DYNLT2B: variants seen among roughly 807,000 people sequenced by gnomAD.
DYNLT2B encodes dynein light chain Tctex-type 2B.
A neutral mutation model predicts 19.5 loss-of-function variants in DYNLT2B; 14 were observed. That is an observed-to-expected ratio of 0.72 (90% confidence interval 0.47 to 1.12). The LOEUF is 1.12. DYNLT2B is among the 50% of genes most tolerant of loss of function. The pLI, the probability that DYNLT2B is intolerant of heterozygous loss-of-function variation, is 0.00. For synonymous variants in DYNLT2B, 70 were observed against 59.7 expected (o/e 1.17, Z -0.79); for missense variants, 133 against 174.7 (o/e 0.76, Z 1.35).
chr3:196,306,313 A>G (rs1577390688), intron 3 of DYNLT2B, among the ~76,000 whole-genome samples: 1 of 150,432 alleles, frequency 6.6e-6, no homozygotes, highest in East Asian at 2.0e-4. Flanking sequence ...CTGCAGTCCC[A>G]GCTACTCAGG....
intron 3 of DYNLT2B, among the ~76,000 whole-genome samples, chr3:196,299,451 G>A (rs1340279045): frequency 1.3e-5 from 2 of 152,018 alleles, no homozygotes; most frequent in Non-Finnish European, 2.9e-5. Context: ...TCCAACTCCT[G>A]AGCTCAGGCA....
At chr3:196,312,342 GAAC>G (rs1210085845) in intron 2 of DYNLT2B, among the ~76,000 whole-genome samples, 1 of 152,138 alleles carries the variant, frequency 6.6e-6, no homozygotes, top group East Asian at 1.9e-4. Context: ...CTTAAGCAGA[GAAC>G]ATCAAGCTGG....
At chr3:196,314,260 T>C (rs1366672462) in intron 2 of DYNLT2B, among the ~76,000 whole-genome samples, 2 of 151,440 alleles carry the variant, frequency 1.3e-5, no homozygotes, top group African/African-American at 2.4e-5. Flanking sequence ...AATCCCAGCA[T>C]GTTGGGAGGC....
At chr3:196,294,123 G>A (rs994188310) in intron 4 of DYNLT2B, among the ~76,000 whole-genome samples, 2 of 151,980 alleles carry the variant, frequency 1.3e-5, no homozygotes, top group Admixed American at 1.3e-4. Flanking sequence ...AGGCCGAGGC[G>A]GGCCGATCAC....
At chr3:196,309,219 C>G (rs1726568313) in intron 2 of DYNLT2B, among the ~76,000 whole-genome samples, 1 of 152,116 alleles carries the variant, frequency 6.6e-6, no homozygotes, top group African/African-American at 2.4e-5. Context: ...AGTTCAAGAC[C>G]AGCCTAGGCA....
At chr3:196,295,322 G>A (rs1726195701) in intron 4 of DYNLT2B, among the ~76,000 whole-genome samples, 1 of 152,026 alleles carries the variant, frequency 6.6e-6, no homozygotes, top group African/African-American at 2.4e-5. Flanking sequence ...CACCATGCTC[G>A]GCTAATTTTT....
intron 1 of DYNLT2B, among the ~76,000 whole-genome samples, chr3:196,317,180 T>C (rs1726864282): frequency 1.2e-5 from 1 of 84,404 alleles, no homozygotes; most frequent in African/African-American, 4.8e-5. Flanking sequence ...TGTGTGTGTG[T>C]GTTGTGTGTG....
chr3:196,303,296 A>G, intron 3 of DYNLT2B, among the ~76,000 whole-genome samples: 1 of 151,978 alleles, frequency 6.6e-6, no homozygotes, highest in East Asian at 1.9e-4. Flanking sequence ...AGTAATAATA[A>G]AACTCCGGTC....
At chr3:196,305,343 C>G (rs1726460070) in intron 3 of DYNLT2B, among the ~76,000 whole-genome samples, 1 of 152,084 alleles carries the variant, frequency 6.6e-6, no homozygotes, top group Non-Finnish European at 1.5e-5. Flanking sequence ...AAACCTATGG[C>G]TAATTAAGAC....
intron 2 of DYNLT2B, among the ~76,000 whole-genome samples, chr3:196,312,245 T>C (rs978771929): frequency 1.3e-5 from 2 of 151,174 alleles, no homozygotes; most frequent in African/African-American, 4.9e-5. Context: ...CTCAAACTCC[T>C]GACCTCAGGT....
chr3:196,297,427 A>G (rs1429232226), intron 3 of DYNLT2B, among the ~76,000 whole-genome samples: 2 of 152,154 alleles, frequency 1.3e-5, no homozygotes, highest in Non-Finnish European at 2.9e-5. Flanking sequence ...CGGGAGGCTG[A>G]GGCAGGAGAA....
chr3:196,316,199 T>C lies in DYNLT2B; in HGVS notation c.146A>G (p.His49Arg), dbSNP rs1276571376. Residue 49 changes from histidine to arginine, a missense_variant, in exon 2 of 5, where the codon CAT becomes CGT. By Grantham distance (29) the His-to-Arg change is conservative. Coordinates refer to ENST00000325318, the MANE Select transcript of DYNLT2B (RefSeq NM_152773.5). ...TGCCAGTTCCTCCTTGAGCACAGCA[T>C]GGATACAGTCTTTAACCACAGAGGG... Reference protein sequence around the residue: ...FRPSVVKDCIHAVLKEELANA... With the variant: ...FRPSVVKDCIRAVLKEELANA... 3 of 1,613,640 alleles carry C rather than the reference T, an allele frequency of 1.9e-6. No homozygotes were observed. The highest frequency in any genetic ancestry group is 2.5e-6 in the Non-Finnish European group (3 of 1,179,744).
At position 196,309,900 on chromosome 3, in the gene DYNLT2B, A is replaced by G. The variant is rs551624994; in HGVS notation, c.248-2888T>C. Among the ~76,000 whole-genome samples, 12 of 151,174 alleles carry G rather than the reference A, an allele frequency of 7.9e-5. No homozygotes were observed. In the East Asian group the frequency reaches 2.0e-3, roughly 26 times the overall value. ...GAGGTGGAGGTTAAGGTGAGCCAAGATTGCGCCATTGCACTCCAGCTTGTG... is the reference window on the plus strand; with the variant it reads ...GAGGTGGAGGTTAAGGTGAGCCAAGGTTGCGCCATTGCACTCCAGCTTGTG... On this transcript the variant is annotated intron_variant, in intron 2 of 4. Coordinates refer to ENST00000325318, the MANE Select transcript of DYNLT2B (RefSeq NM_152773.5).
At chr3:196,316,857 T>G (rs1346317250) in intron 1 of DYNLT2B, among the ~76,000 whole-genome samples, 1 of 149,794 alleles carries the variant, frequency 6.7e-6, no homozygotes, top group East Asian at 2.0e-4. Flanking sequence ...CTGAGTACCC[T>G]CTGCTCTGGC....
At chr3:196,304,703 A>C (rs200748480) in intron 3 of DYNLT2B, among the ~76,000 whole-genome samples, 1 of 139,402 alleles carries the variant, frequency 7.2e-6, no homozygotes, top group Non-Finnish European at 1.6e-5. Flanking sequence ...AAAAAAAAAC[A>C]ACAAAAAAAT....
At chr3:196,302,324 G>T (rs1726377957) in intron 3 of DYNLT2B, among the ~76,000 whole-genome samples, 1 of 152,136 alleles carries the variant, frequency 6.6e-6, no homozygotes, top group Non-Finnish European at 1.5e-5. Flanking sequence ...CCAACACATT[G>T]AACAGGGGCT....
intron 4 of DYNLT2B, chr3:196,292,565 T>C (rs1726117470): frequency 6.6e-6 from 1 of 152,222 alleles, no homozygotes; most frequent in Admixed American, 6.5e-5. Context: ...CCCAATTTTT[T>C]TCTTAGATTC....
At position 196,307,154 on chromosome 3, in the gene DYNLT2B, C is replaced by T. The variant is rs575088324; in HGVS notation, c.248-142G>A. 40 of 664,938 alleles carry T rather than the reference C, an allele frequency of 6.0e-5. 1 individual carries two copies. Among genetic ancestry groups the T allele is most frequent in the African/African-American group, 6.0e-4 (33 of 55,142 alleles). The allele number at this position is 664,938 out of a possible 1,614,324, so 41.2% of individuals were successfully genotyped here. On this transcript the variant is annotated intron_variant, in intron 2 of 4. Coordinates refer to ENST00000325318, the MANE Select transcript of DYNLT2B (RefSeq NM_152773.5). Reference sequence around the variant, plus strand: ...GTGGTAAGCTTGGGGGTCAGGAGGACGTGAAGGCAGATCCTAACTATAACT... The same window carrying T: ...GTGGTAAGCTTGGGGGTCAGGAGGATGTGAAGGCAGATCCTAACTATAACT...
At chr3:196,315,204 G>C (rs1051077342) in intron 2 of DYNLT2B, 2 of 423,744 alleles carry the variant, frequency 4.7e-6, no homozygotes, top group African/African-American at 4.3e-5. Context: ...GTCTTTAATA[G>C]AATCCACAGC....
Sources: gnomAD v4.1 joint callset for allele counts (sites outside exome capture counted in the v4.1 genomes callset) on GRCh38, gnomAD v4.1.1 for gene constraint, MANE v1.5 for transcripts, NCBI Gene and HGNC (gene_info 2026-07-23, HGNC 2026-07-21) for gene names.